Variants in PCDH15 observed in about 807,000 individuals in gnomAD.
PCDH15 encodes the protein protocadherin related 15.
In PCDH15, 129 loss-of-function variants were observed where a neutral mutation model predicts 178.5. The ratio of observed to expected loss-of-function variants is 0.72; its 90% CI spans 0.63 to 0.84. The LOEUF (loss-of-function observed/expected upper bound fraction) is 0.84, where lower values mean the gene tolerates loss of function less well. PCDH15 is among the 40% of genes least tolerant of loss of function. The pLI, the probability that PCDH15 is intolerant of heterozygous loss-of-function variation, is 0.00. For synonymous variants in PCDH15, 800 were observed against 732.0 expected (o/e 1.09, Z -1.50); for missense variants, 2,230 against 2,099.9 (o/e 1.06, Z -1.21).
intron 6 of PCDH15, among the ~76,000 whole-genome samples, chr10:54,344,915 A>AC (rs1565027772): frequency 6.3e-4 from 80 of 126,646 alleles, no homozygotes; most frequent in African/African-American, 2.5e-3. Flanking sequence ...AAAAAAAAAA[A>AC]AAAAAAAAAA....
chr10:54,180,398 T>C (rs2047878478), intron 13 of PCDH15, among the ~76,000 whole-genome samples: 1 of 152,202 alleles, frequency 6.6e-6, no homozygotes, highest in African/African-American at 2.4e-5. Context: ...GAGTATGCAC[T>C]CACATCAGGC....
chr10:54,187,126 G>A (rs748815590), intron 11 of PCDH15, among the ~76,000 whole-genome samples: 2 of 151,740 alleles, frequency 1.3e-5, no homozygotes, highest in Admixed American at 1.3e-4. Context: ...TAATTTATTC[G>A]GACCTTTAAA....
chr10:54,160,613 A>G (rs1431807738), intron 13 of PCDH15, among the ~76,000 whole-genome samples: 2 of 152,214 alleles, frequency 1.3e-5, no homozygotes, highest in East Asian at 3.8e-4. Context: ...CATGATACAT[A>G]AAATACAGAT....
chr10:54,715,047 T>C lies in PCDH15; in HGVS notation c.-28-50757A>G, dbSNP rs138843464. On this transcript the variant is annotated intron_variant, in intron 1 of 37. Transcript: ENST00000644397. ...ACATATTTGTTTGCCAAGAGAAATATTGAGATTGCTGATACTCATTTTTTT... is the reference window on the plus strand; with the variant it reads ...ACATATTTGTTTGCCAAGAGAAATACTGAGATTGCTGATACTCATTTTTTT... Among the ~76,000 whole-genome samples the C allele has an allele frequency of 3.9e-5, 6 of 152,210 alleles. No individual in the cohort carries two copies. The East Asian group carries it at 5.8e-4, about 15-fold the overall frequency.
intron 2 of PCDH15, among the ~76,000 whole-genome samples, chr10:54,569,557 G>A (rs1937420): frequency 0.94 from 142,514 of 152,188 alleles, 67,000 homozygotes; most frequent in Middle Eastern, 0.98. Context: ...GGAAGTTGGT[G>A]TTGGGATAAG....
intron 3 of PCDH15, among the ~76,000 whole-genome samples, chr10:54,489,876 T>C (rs546349660): frequency 1.3e-5 from 2 of 152,314 alleles, no homozygotes; most frequent in East Asian, 3.9e-4. Context: ...TTGCTTGATT[T>C]CAACTGTCCT....
intron 21 of PCDH15, among the ~76,000 whole-genome samples, chr10:53,968,068 G>C (rs1015874822): frequency 5.3e-5 from 8 of 152,120 alleles, no homozygotes; most frequent in African/African-American, 1.4e-4. Flanking sequence ...CCTCACCTGG[G>C]AAGCACAAGG....
chr10:54,454,002 T>C (rs528591151), intron 3 of PCDH15, among the ~76,000 whole-genome samples: 1 of 151,906 alleles, frequency 6.6e-6, no homozygotes, highest in African/African-American at 2.4e-5. Flanking sequence ...AGGTCTGAAA[T>C]ATAAATGTAT....
chr10:53,818,215 TAATGATCA>T, intron 33 of PCDH15: 1 of 373,112 alleles, frequency 2.7e-6, no homozygotes, highest in Non-Finnish European at 4.7e-6. Context: ...ATTACTAAAA[TAATGATCA>T]ACCCAGAGCC....
intron 2 of PCDH15, among the ~76,000 whole-genome samples, chr10:54,572,615 G>GT (rs1800967913): frequency 6.6e-6 from 1 of 152,048 alleles, no homozygotes; most frequent in Non-Finnish European, 1.5e-5. Flanking sequence ...CTATGAAAAT[G>GT]TATTAAATAT....
At chr10:55,365,198 C>T (rs1423585260) in intron 2 of PCDH15, among the ~76,000 whole-genome samples, 7 of 152,234 alleles carry the variant, frequency 4.6e-5, no homozygotes, top group African/African-American at 1.7e-4. Flanking sequence ...AGATGGCCCA[C>T]CATGCACCCC....
At chr10:55,281,539 C>T (rs1842733978) in intron 1 of PCDH15, among the ~76,000 whole-genome samples, 1 of 151,822 alleles carries the variant, frequency 6.6e-6, no homozygotes, top group African/African-American at 2.4e-5. Flanking sequence ...ATTCCGCCTA[C>T]CCTTTTTATT....
In PCDH15 at chr10:54,070,000, C is replaced by G. The variant is rs78374770; in HGVS notation, c.2092-3115G>C. Among the ~76,000 whole-genome samples, 38 of 152,270 alleles carry G rather than the reference C, an allele frequency of 2.5e-4. No individual in the cohort carries two copies. The East Asian group carries it at 7.3e-3, about 29-fold the overall frequency. The stretch of plus-strand genomic sequence containing the variant: ...ACGTATTTTCCATCAACGGAGTTTG[C>G]TCACTGATTATTTCCTCAAAAGTTG... On this transcript the variant is annotated intron_variant, in intron 17 of 37. Transcript: ENST00000644397.
chr10:55,343,151 A>G (rs1030012183), intron 2 of PCDH15, among the ~76,000 whole-genome samples: 1 of 152,144 alleles, frequency 6.6e-6, no homozygotes, highest in East Asian at 1.9e-4. Flanking sequence ...AGAACATTTA[A>G]TGACTAGATA....
At chr10:53,977,114 G>A (rs1238141730) in intron 21 of PCDH15, among the ~76,000 whole-genome samples, 1 of 152,012 alleles carries the variant, frequency 6.6e-6, no homozygotes, top group Non-Finnish European at 1.5e-5. Flanking sequence ...AGATGTATTT[G>A]ACACTAACCT....
At chr10:55,411,001 T>A (rs1262395475) in intron 2 of PCDH15, among the ~76,000 whole-genome samples, 1 of 151,812 alleles carries the variant, frequency 6.6e-6, no homozygotes, top group Non-Finnish European at 1.5e-5. Context: ...GAATACTTAC[T>A]ATTTTATAAG....
intron 15 of PCDH15, among the ~76,000 whole-genome samples, chr10:54,110,100 T>G (rs1158480231): frequency 6.6e-6 from 1 of 152,122 alleles, no homozygotes; most frequent in African/African-American, 2.4e-5. Context: ...GTAATAAGTT[T>G]GTCTGCGTGG....
At chr10:53,945,461 T>C (rs1053044327) in intron 23 of PCDH15, among the ~76,000 whole-genome samples, 1 of 79,640 alleles carries the variant, frequency 1.3e-5, no homozygotes, top group Non-Finnish European at 2.7e-5. Flanking sequence ...TACAATATTG[T>C]ACATTGTTGT....
At chr10:55,266,556 C>A (rs908131797) in intron 1 of PCDH15, among the ~76,000 whole-genome samples, 2 of 152,130 alleles carry the variant, frequency 1.3e-5, no homozygotes, top group African/African-American at 4.8e-5. Flanking sequence ...TTTCCTAAGA[C>A]CAACCTGGCT....
Sources: gnomAD v4.1 joint callset for allele counts (sites outside exome capture counted in the v4.1 genomes callset) on GRCh38, gnomAD v4.1.1 for gene constraint, MANE v1.5 for transcripts, NCBI Gene and HGNC (gene_info 2026-07-23, HGNC 2026-07-21) for gene names.